LRRTM4: variants seen among roughly 807,000 people sequenced by gnomAD.
LRRTM4 encodes the protein leucine-rich repeat transmembrane neuronal protein 4.
A neutral mutation model predicts 47.6 loss-of-function variants in LRRTM4; 25 were observed. The observed-to-expected ratio is 0.53, with a 90% CI of 0.38 to 0.73. The LOEUF (loss-of-function observed/expected upper bound fraction) is 0.73, where lower values mean the gene tolerates loss of function less well. LRRTM4 is among the 30% of genes least tolerant of loss of function. The probability of loss-of-function intolerance (pLI) is 0.00; values close to 1 mark genes in which losing one functional copy is unlikely to be tolerated. For synonymous variants in LRRTM4, 311 were observed against 269.5 expected, an observed-to-expected ratio of 1.15 and a Z score of -1.51; for missense variants, 638 against 713.4, an observed-to-expected ratio of 0.89 and a Z score of 1.20.
intron 3 of LRRTM4, among the ~76,000 whole-genome samples, chr2:77,044,807 G>C (rs76169068): frequency 0.023 from 3,558 of 151,660 alleles, 155 homozygotes; most frequent in African/African-American, 0.082. Flanking sequence ...TAAATTATGT[G>C]AATGTGTGTG....
chr2:77,115,608 CA>C (rs1671371178), intron 3 of LRRTM4, among the ~76,000 whole-genome samples: 1 of 152,102 alleles, frequency 6.6e-6, no homozygotes, highest in Non-Finnish European at 1.5e-5. Context: ...CAACAGAAAG[CA>C]AAACACAAGT....
At chr2:77,334,964 T>C (rs1389222175) in intron 3 of LRRTM4, among the ~76,000 whole-genome samples, 1 of 152,198 alleles carries the variant, frequency 6.6e-6, no homozygotes, top group Non-Finnish European at 1.5e-5. Flanking sequence ...ATTTAGTAAA[T>C]GCTAGTTTCT....
chr2:77,099,123 T>G lies in LRRTM4; in HGVS notation c.1552-350207A>C, dbSNP rs1300796628. On this transcript the variant is annotated intron_variant, in intron 3 of 3. Coordinates refer to ENST00000409884, the MANE Select transcript of LRRTM4 (RefSeq NM_001134745.3). ...ACACTATCCTTTTAGCTATAGAAAT[T>G]TTGCTCAAGGAGATTGATACAAGAA... Among the ~76,000 whole-genome samples, 5 of 152,016 alleles carry G rather than the reference T, an allele frequency of 3.3e-5. No individual in the cohort carries two copies. The South Asian group carries it at 8.3e-4, about 25-fold the overall frequency.
intron 3 of LRRTM4, among the ~76,000 whole-genome samples, chr2:76,816,567 T>C (rs1386986597): frequency 6.6e-6 from 1 of 151,902 alleles, no homozygotes; most frequent in African/African-American, 2.4e-5. Flanking sequence ...TTTTATTTTT[T>C]TATTTTTTTT....
chr2:76,972,412 CTTTTTTTTTTTTTT>C (rs397869502), intron 3 of LRRTM4, among the ~76,000 whole-genome samples: 1,146 of 95,344 alleles, frequency 0.012, 25 homozygotes, highest in African/African-American at 0.047. Flanking sequence ...TCATTGAACA[CTTTTTTTTTTTTTT>C]TTTTTTTTTG....
chr2:76,779,174 C>A (rs1244039101), intron 3 of LRRTM4, among the ~76,000 whole-genome samples: 1 of 152,152 alleles, frequency 6.6e-6, no homozygotes, highest in South Asian at 2.1e-4. Context: ...GAGAGCTTTA[C>A]TTCCAAGTAT....
chr2:77,413,192 G>C, intron 3 of LRRTM4, among the ~76,000 whole-genome samples: 1 of 152,030 alleles, frequency 6.6e-6, no homozygotes, highest in East Asian at 1.9e-4. Flanking sequence ...CTTGTAATTG[G>C]CAGAAATCCT....
chr2:77,047,174 A>G (rs1679262530), intron 3 of LRRTM4, among the ~76,000 whole-genome samples: 1 of 152,012 alleles, frequency 6.6e-6, no homozygotes, highest in Admixed American at 6.6e-5. Context: ...TTCAAACATA[A>G]CATTGATTTA....
chr2:77,378,787 T>A (rs1029995490), intron 3 of LRRTM4, among the ~76,000 whole-genome samples: 1 of 152,096 alleles, frequency 6.6e-6, no homozygotes, highest in Admixed American at 6.6e-5. Context: ...AGTGTTCTCA[T>A]GTGCACAATG....
intron 3 of LRRTM4, among the ~76,000 whole-genome samples, chr2:77,463,642 A>G (rs1418770883): frequency 6.6e-6 from 1 of 152,096 alleles, no homozygotes; most frequent in Non-Finnish European, 1.5e-5. Context: ...TCTAAAAGTG[A>G]TGCTGAGATT....
At chr2:77,176,037 G>C (rs907205601) in intron 3 of LRRTM4, among the ~76,000 whole-genome samples, 1 of 150,978 alleles carries the variant, frequency 6.6e-6, no homozygotes, top group Admixed American at 6.6e-5. Context: ...GTTTCTATTT[G>C]GTTACTTGGG....
At chr2:77,228,452 A>G (rs1363278897) in intron 3 of LRRTM4, among the ~76,000 whole-genome samples, 1 of 152,132 alleles carries the variant, frequency 6.6e-6, no homozygotes, top group East Asian at 1.9e-4. Flanking sequence ...GCTCCAGTGA[A>G]TGAGGCATTT....
At chr2:77,483,498 G>A (rs549521348) in intron 3 of LRRTM4, among the ~76,000 whole-genome samples, 2 of 152,146 alleles carry the variant, frequency 1.3e-5, no homozygotes, top group Admixed American at 6.5e-5. Context: ...GCATCACCAC[G>A]CTCAGCTAAT....
At chr2:77,130,928 G>A (rs1198788466) in intron 3 of LRRTM4, among the ~76,000 whole-genome samples, 7 of 120,518 alleles carry the variant, frequency 5.8e-5, no homozygotes, top group East Asian at 2.9e-4. Context: ...TCCGCCTCCC[G>A]GGTTCACGCC....
At chr2:76,872,805 T>TG (rs1395137842) in intron 3 of LRRTM4, among the ~76,000 whole-genome samples, 1 of 152,098 alleles carries the variant, frequency 6.6e-6, no homozygotes, top group African/African-American at 2.4e-5. Flanking sequence ...GTGCTGTCCT[T>TG]GCAGTAATAA....
chr2:77,255,741 T>C (rs905901778), intron 3 of LRRTM4, among the ~76,000 whole-genome samples: 1 of 152,070 alleles, frequency 6.6e-6, no homozygotes, highest in African/African-American at 2.4e-5. Context: ...TGAAATTACA[T>C]GTCAATATAT....
chr2:77,097,873 A>G (rs543593821), intron 3 of LRRTM4, among the ~76,000 whole-genome samples: 12 of 151,992 alleles, frequency 7.9e-5, no homozygotes, highest in Non-Finnish European at 1.8e-4. Context: ...GAGGATCATT[A>G]AAGACAATGG....
At chr2:76,997,341 C>T (rs1677238290) in intron 3 of LRRTM4, among the ~76,000 whole-genome samples, 1 of 110,806 alleles carries the variant, frequency 9.0e-6, no homozygotes, top group African/African-American at 4.1e-5. Context: ...AGTATAAATG[C>T]TTTATTTCTC....
At chr2:77,476,466 A>G (rs1224635682) in intron 3 of LRRTM4, among the ~76,000 whole-genome samples, 1 of 152,120 alleles carries the variant, frequency 6.6e-6, no homozygotes, top group African/African-American at 2.4e-5. Context: ...AAAATATTAG[A>G]AATATAAGAA....
Sources: gnomAD v4.1 joint callset for allele counts (sites outside exome capture counted in the v4.1 genomes callset) on GRCh38, gnomAD v4.1.1 for gene constraint, MANE v1.5 for transcripts, NCBI Gene and HGNC (gene_info 2026-07-23, HGNC 2026-07-21) for gene names.